ADGRL4: variants seen among roughly 807,000 people sequenced by gnomAD.
The protein encoded by ADGRL4 is adhesion G protein-coupled receptor L4, also known as EGF, latrophilin and seven transmembrane domain containing 1.
In ADGRL4, 90 loss-of-function variants were observed where a neutral mutation model predicts 74.8. The ratio of observed to expected loss-of-function variants is 1.20; its 90% CI spans 1.02 to 1.43. The LOEUF (loss-of-function observed/expected upper bound fraction) is 1.43, where lower values mean the gene tolerates loss of function less well. ADGRL4 is among the 40% of genes most tolerant of loss of function. The probability of loss-of-function intolerance (pLI) is 0.00; values close to 1 mark genes in which losing one functional copy is unlikely to be tolerated. For synonymous variants in ADGRL4, 311 were observed against 279.2 expected (o/e 1.11, Z -1.14); for missense variants, 881 against 814.3 (o/e 1.08, Z -1.00).
rs766712586 is a variant in ADGRL4, at chr1:79,006,692, G to C, written c.-38C>G. Reference sequence around the variant, plus strand: ...CAGTGGTGGCGGTGGCGGAGAGCGCGGCGGAGTGAGTGCGGCTGTGGACCC... The same window carrying C: ...CAGTGGTGGCGGTGGCGGAGAGCGCCGCGGAGTGAGTGCGGCTGTGGACCC... On this transcript the variant is annotated 5_prime_UTR_variant, in exon 1 of 15. Coordinates refer to ENST00000370742, the MANE Select transcript of ADGRL4 (RefSeq NM_022159.4). The C allele has an allele frequency of 1.4e-6, 2 of 1,462,490 alleles. No homozygotes were observed. The highest frequency in any genetic ancestry group is 1.8e-6 in the Non-Finnish European group (2 of 1,109,168). The allele number at this position is 1,462,490 out of a possible 1,614,324, so 90.6% of individuals were successfully genotyped here.
chr1:78,999,722 T>C (rs78030639), intron 2 of ADGRL4, among the ~76,000 whole-genome samples: 2,679 of 152,196 alleles, frequency 0.018, 81 homozygotes, highest in African/African-American at 0.062. Context: ...AGGAAAACCA[T>C]ATTCAATTTT....
At chr1:78,957,157 G>A (rs1649852438) in intron 2 of ADGRL4, among the ~76,000 whole-genome samples, 1 of 152,146 alleles carries the variant, frequency 6.6e-6, no homozygotes, top group Admixed American at 6.6e-5. Flanking sequence ...CCTACTGGCT[G>A]TTTCTCAGTC....
intron 13 of ADGRL4, 34 bp from the exon 14 acceptor site, chr1:78,891,726 G>A (rs995784202): frequency 7.6e-6 from 12 of 1,569,612 alleles, no homozygotes; most frequent in Middle Eastern, 1.7e-4. Context: ...AGTGAAGAAA[G>A]CTACGTATAG....
chr1:78,958,514 T>C (rs1246379782), intron 2 of ADGRL4, among the ~76,000 whole-genome samples: 3 of 152,124 alleles, frequency 2.0e-5, no homozygotes, highest in Non-Finnish European at 4.4e-5. Context: ...GTGGAGGAAG[T>C]AACTGCGGAC....
At chr1:78,930,317 A>G (rs1177981721) in intron 7 of ADGRL4, among the ~76,000 whole-genome samples, 2 of 151,212 alleles carry the variant, frequency 1.3e-5, no homozygotes, top group African/African-American at 2.5e-5. Context: ...AATTTTACCT[A>G]TATGAGAACA....
chr1:78,955,656 TC>T (rs138089986), intron 2 of ADGRL4, among the ~76,000 whole-genome samples: 91 of 152,226 alleles, frequency 6.0e-4, no homozygotes, highest in African/African-American at 2.0e-3. Flanking sequence ...GTAAGTTTTT[TC>T]ATCATTATTT....
At chr1:78,915,858 C>T (rs1648859140) in intron 12 of ADGRL4, among the ~76,000 whole-genome samples, 1 of 151,786 alleles carries the variant, frequency 6.6e-6, no homozygotes, top group East Asian at 1.9e-4. Flanking sequence ...ATAAATAATT[C>T]ACTTTGATTC....
chr1:78,981,586 GT>G, intron 2 of ADGRL4, among the ~76,000 whole-genome samples: 1 of 152,028 alleles, frequency 6.6e-6, no homozygotes, highest in South Asian at 2.1e-4. Flanking sequence ...AGTGTTTATA[GT>G]AGCATTGATG....
intron 7 of ADGRL4, among the ~76,000 whole-genome samples, chr1:78,927,611 G>A (rs1235257892): frequency 2.0e-5 from 3 of 151,970 alleles, no homozygotes; most frequent in Admixed American, 1.3e-4. Flanking sequence ...ATGCAGTGTC[G>A]GGGTAGAAAA....
intron 2 of ADGRL4, among the ~76,000 whole-genome samples, chr1:78,981,204 A>G (rs1460027569): frequency 6.6e-6 from 1 of 151,982 alleles, no homozygotes; most frequent in Non-Finnish European, 1.5e-5. Flanking sequence ...CAAAGGAGAC[A>G]GAAGAAAAAT....
intron 3 of ADGRL4, among the ~76,000 whole-genome samples, chr1:78,943,470 T>A (rs544510024): frequency 6.6e-6 from 1 of 152,222 alleles, no homozygotes; most frequent in African/African-American, 2.4e-5. Context: ...AATGAACTTA[T>A]GTGTCGAAAA....
intron 2 of ADGRL4, among the ~76,000 whole-genome samples, chr1:79,001,817 G>A (rs2100743655): frequency 6.6e-6 from 1 of 152,112 alleles, no homozygotes; most frequent in East Asian, 1.9e-4. Flanking sequence ...ATAAGTAAAT[G>A]ATTTTGCCTT....
At chr1:78,930,439 A>T (rs936289819) in intron 7 of ADGRL4, among the ~76,000 whole-genome samples, 2 of 137,908 alleles carry the variant, frequency 1.5e-5, no homozygotes, top group Non-Finnish European at 3.0e-5. Context: ...GGTACCAAGG[A>T]AAAGCTGATT....
In ADGRL4 at chr1:78,889,988, A is replaced by G. The variant is rs1376896803; in HGVS notation, c.*1166T>C. On this transcript the variant is annotated 3_prime_UTR_variant, in exon 15 of 15. Coordinates refer to ENST00000370742, the MANE Select transcript of ADGRL4 (RefSeq NM_022159.4). ...TATTTAAGCAGATATGATTTAATAG[A>G]TAGTAGAAAACTGTCAGAAAATGGA... 1 of 241,296 alleles carries G rather than the reference A, an allele frequency of 4.1e-6. No individual in the cohort carries two copies. Among genetic ancestry groups the G allele is most frequent in the Non-Finnish European group, 9.0e-6 (1 of 111,388 alleles). The allele number at this position is 241,296 out of a possible 1,614,324, so 14.9% of individuals were successfully genotyped here.
intron 12 of ADGRL4, among the ~76,000 whole-genome samples, chr1:78,907,248 A>C (rs965292949): frequency 2.0e-5 from 3 of 152,062 alleles, no homozygotes; most frequent in African/African-American, 7.2e-5. Flanking sequence ...TTTATAATGA[A>C]TGCTGCATAT....
chr1:78,954,168 A>ATAAC (rs1649783521), intron 2 of ADGRL4, among the ~76,000 whole-genome samples: 1 of 152,028 alleles, frequency 6.6e-6, no homozygotes, highest in African/African-American at 2.4e-5. Context: ...AAATAAATAA[A>ATAAC]TAAATAATAA....
At chr1:78,969,999 A>C (rs528915972) in intron 2 of ADGRL4, among the ~76,000 whole-genome samples, 1 of 152,226 alleles carries the variant, frequency 6.6e-6, no homozygotes, top group Non-Finnish European at 1.5e-5. Flanking sequence ...TTTTTTGGGA[A>C]AGTAAAACCA....
chr1:78,896,755 C>T (rs534650236), intron 12 of ADGRL4, among the ~76,000 whole-genome samples: 1 of 152,192 alleles, frequency 6.6e-6, no homozygotes, highest in South Asian at 2.1e-4. Context: ...GTTCAGAATC[C>T]TCCAATGGCT....
intron 2 of ADGRL4, among the ~76,000 whole-genome samples, chr1:78,984,474 C>T (rs766429936): frequency 2.0e-5 from 3 of 151,720 alleles, no homozygotes; most frequent in Admixed American, 1.3e-4. Context: ...AAAGGCATGA[C>T]ATCTCTGAGA....
Sources: allele counts gnomAD v4.1 joint callset (sites outside exome capture counted in the v4.1 genomes callset), GRCh38; gene constraint gnomAD v4.1.1; transcripts MANE v1.5; gene names NCBI Gene and HGNC (gene_info 2026-07-23, HGNC 2026-07-21).